MSRB3: variants seen among roughly 807,000 people sequenced by gnomAD.
MSRB3 encodes methionine-R-sulfoxide reductase B3.
In MSRB3, 13 loss-of-function variants were observed where a neutral mutation model predicts 21.0. The observed-to-expected ratio is 0.62, with a 90% CI of 0.40 to 0.98. MSRB3 has a LOEUF of 0.98. Among genes scored for constraint, MSRB3 ranks in the 50% least tolerant of loss-of-function variants. The probability of loss-of-function intolerance (pLI) is 0.00; values close to 1 mark genes in which losing one functional copy is unlikely to be tolerated. For synonymous variants in MSRB3, 87 were observed against 88.6 expected, an observed-to-expected ratio of 0.98 and a Z score of 0.10; for missense variants, 199 against 230.3, an observed-to-expected ratio of 0.86 and a Z score of 0.88.
At chr12:65,362,841 A>T (rs1877790470) in intron 4 of MSRB3, among the ~76,000 whole-genome samples, 1 of 152,142 alleles carries the variant, frequency 6.6e-6, no homozygotes, top group Non-Finnish European at 1.5e-5. Flanking sequence ...AGGGCACATA[A>T]ATATTCACTG....
At chr12:65,371,170 A>G (rs1346174595) in intron 5 of MSRB3, among the ~76,000 whole-genome samples, 1 of 152,080 alleles carries the variant, frequency 6.6e-6, no homozygotes, top group Non-Finnish European at 1.5e-5. Flanking sequence ...TACTAAAAAT[A>G]CAAAATAATT....
chr12:65,431,552 G>A (rs988710344), intron 5 of MSRB3, among the ~76,000 whole-genome samples: 4 of 151,978 alleles, frequency 2.6e-5, no homozygotes, highest in South Asian at 2.1e-4. Context: ...TGTAGCTATC[G>A]ATGAGAAATG....
At chr12:65,381,460 A>G (rs1878935106) in intron 5 of MSRB3, among the ~76,000 whole-genome samples, 1 of 152,160 alleles carries the variant, frequency 6.6e-6, no homozygotes, top group African/African-American at 2.4e-5. Context: ...ATAGCACATT[A>G]CTTGGTTGCA....
chr12:65,367,538 G>C (rs1234539063), intron 4 of MSRB3, among the ~76,000 whole-genome samples: 2 of 152,212 alleles, frequency 1.3e-5, no homozygotes, highest in East Asian at 3.8e-4. Context: ...CACAATTTAG[G>C]TGTTGTGGCT....
chr12:65,458,744 C>G (rs115226882), intron 6 of MSRB3, among the ~76,000 whole-genome samples: 1 of 152,284 alleles, frequency 6.6e-6, no homozygotes, highest in Non-Finnish European at 1.5e-5. Context: ...TAAATTTACT[C>G]GCTTTGGTGG....
At chr12:65,327,515 A>C (rs1875128714) in intron 3 of MSRB3, among the ~76,000 whole-genome samples, 1 of 152,194 alleles carries the variant, frequency 6.6e-6, no homozygotes, top group South Asian at 2.1e-4. Flanking sequence ...GAGTTTGTTC[A>C]CTTCCAAGAC....
At chr12:65,460,547 C>T (rs948868950) in intron 6 of MSRB3, among the ~76,000 whole-genome samples, 1 of 152,166 alleles carries the variant, frequency 6.6e-6, no homozygotes, top group African/African-American at 2.4e-5. Context: ...AGATGATGCT[C>T]TTCCCTTAGT....
intron 4 of MSRB3, among the ~76,000 whole-genome samples, chr12:65,334,531 C>CAT (rs749836423): frequency 5.3e-5 from 8 of 151,072 alleles, no homozygotes; most frequent in African/African-American, 2.0e-4. Context: ...CAGAAACATG[C>CAT]ATACACACAC....
intron 5 of MSRB3, among the ~76,000 whole-genome samples, chr12:65,436,528 G>C (rs898984886): frequency 1.3e-5 from 2 of 151,720 alleles, no homozygotes; most frequent in African/African-American, 4.8e-5. Context: ...GACTTCCAAA[G>C]GGTCTGGAAC....
intron 2 of MSRB3, among the ~76,000 whole-genome samples, chr12:65,315,122 A>G (rs1456472568): frequency 2.0e-5 from 3 of 152,204 alleles, no homozygotes; most frequent in African/African-American, 7.2e-5. Context: ...TAAACATTTT[A>G]TTTAGAGATT....
intron 5 of MSRB3, among the ~76,000 whole-genome samples, chr12:65,402,008 G>A (rs533499287): frequency 1.9e-4 from 29 of 152,276 alleles, no homozygotes; most frequent in African/African-American, 6.7e-4. Context: ...TTCCCTTTGT[G>A]AGTAACCTGA....
Position 65,350,321 on chromosome 12 carries a change from T to C in MSRB3, c.264-18677T>C, listed in dbSNP as rs148571680. ...TGTTTTGGTTACTGTAGCCTTGCAG[T>C]ATAGTTTGAAGTCAGGTAGTGTGAT... On this transcript the variant is annotated intron_variant, in intron 4 of 6. Coordinates refer to ENST00000308259, the MANE Select transcript of MSRB3 (RefSeq NM_001031679.3). Among the ~76,000 whole-genome samples, 510 of 152,048 alleles carry C rather than the reference T, an allele frequency of 3.4e-3. 9 individuals are homozygous for C. In the East Asian group the frequency reaches 0.049, roughly 14 times the overall value.
chr12:65,462,070 A>T (rs1330865630), intron 6 of MSRB3, among the ~76,000 whole-genome samples: 7 of 152,064 alleles, frequency 4.6e-5, no homozygotes. Context: ...TGTTGCCTGT[A>T]CTCCAGAGTC....
intron 5 of MSRB3, among the ~76,000 whole-genome samples, chr12:65,411,369 C>T (rs932529160): frequency 1.3e-5 from 2 of 152,254 alleles, no homozygotes; most frequent in Non-Finnish European, 2.9e-5. Context: ...ACATATCTGT[C>T]TATTCTGTGG....
rs761742812 is a variant in MSRB3 at position 65,308,536 on chromosome 12, C to G, written c.-44C>G. ...GTTTTTTCTCCTACTCAGCTCTTGC[C>G]CCTGTTCTTTGCTTCTCGTTTTGTT... On this transcript the variant is annotated 5_prime_UTR_variant, in exon 2 of 7. Transcript: ENST00000308259. The G allele has an allele frequency of 3.1e-6, 5 of 1,613,624 alleles. No homozygotes were observed. The highest frequency in any genetic ancestry group is 1.7e-4 in the Middle Eastern group (1 of 6,060).
intron 6 of MSRB3, among the ~76,000 whole-genome samples, chr12:65,462,440 G>A (rs1007797053): frequency 2.0e-5 from 3 of 152,016 alleles, no homozygotes; most frequent in African/African-American, 7.3e-5. Flanking sequence ...TTCTTCCCCA[G>A]CTTTTTGAAT....
chr12:65,399,442 A>T (rs935581113), intron 5 of MSRB3, among the ~76,000 whole-genome samples: 1 of 152,164 alleles, frequency 6.6e-6, no homozygotes, highest in African/African-American at 2.4e-5. Context: ...TGATTTTTGC[A>T]CATTGATTTT....
chr12:65,383,754 T>C (rs756137683), intron 5 of MSRB3, among the ~76,000 whole-genome samples: 1 of 151,364 alleles, frequency 6.6e-6, no homozygotes, highest in Non-Finnish European at 1.5e-5. Flanking sequence ...TCCGCCTCCC[T>C]GGTTCAAGTG....
intron 5 of MSRB3, among the ~76,000 whole-genome samples, chr12:65,412,979 T>C (rs948301804): frequency 5.3e-5 from 8 of 152,170 alleles, no homozygotes; most frequent in African/African-American, 1.7e-4. Context: ...TGGGCGAAAC[T>C]GCCCCCACGA....
Sources: gnomAD v4.1 joint callset for allele counts (sites outside exome capture counted in the v4.1 genomes callset) on GRCh38, gnomAD v4.1.1 for gene constraint, MANE v1.5 for transcripts, NCBI Gene and HGNC (gene_info 2026-07-23, HGNC 2026-07-21) for gene names.